The following ELK3 variants were observed in gnomAD, a reference collection of about 807,000 sequenced individuals.
The protein encoded by ELK3 is ETS transcription factor ELK3.
Under a neutral mutation model 28.9 loss-of-function variants are expected in ELK3, and 10 were observed. That is an observed-to-expected ratio of 0.35 (90% CI 0.21 to 0.59). The LOEUF (loss-of-function observed/expected upper bound fraction) is 0.59. Among genes scored for constraint, ELK3 ranks in the 20% least tolerant of loss-of-function variants. The pLI, the probability that ELK3 is intolerant of heterozygous loss-of-function variation, is 0.82. For synonymous variants in ELK3, 272 were observed against 243.5 expected, an observed-to-expected ratio of 1.12 and a Z score of -1.09; for missense variants, 463 against 517.3, an observed-to-expected ratio of 0.90 and a Z score of 1.02.
intron 1 of ELK3, among the ~76,000 whole-genome samples, chr12:96,219,336 T>C (rs947519783): frequency 2.0e-5 from 3 of 152,152 alleles, no homozygotes; most frequent in Non-Finnish European, 4.4e-5. Flanking sequence ...GTGAGAGAGA[T>C]ACTCATATAG....
chr12:96,251,788 G>A (rs1256957723), intron 3 of ELK3, among the ~76,000 whole-genome samples: 1 of 152,190 alleles, frequency 6.6e-6, no homozygotes, highest in Admixed American at 6.5e-5. Flanking sequence ...CAGAAGAAAA[G>A]TGTGAAGCTA....
intron 1 of ELK3, among the ~76,000 whole-genome samples, chr12:96,206,650 T>C (rs1951540208): frequency 1.3e-5 from 2 of 152,192 alleles, no homozygotes; most frequent in South Asian, 4.1e-4. Context: ...TGTTATTTTG[T>C]ACAGTTAATA....
At chr12:96,210,133 G>A (rs1432083308) in intron 1 of ELK3, among the ~76,000 whole-genome samples, 1 of 152,178 alleles carries the variant, frequency 6.6e-6, no homozygotes, top group African/African-American at 2.4e-5. Flanking sequence ...AAAGTAGTAT[G>A]AGGGTCGGGG....
intron 2 of ELK3, among the ~76,000 whole-genome samples, chr12:96,233,938 G>A (rs1951761425): frequency 6.6e-6 from 1 of 152,234 alleles, no homozygotes; most frequent in Non-Finnish European, 1.5e-5. Flanking sequence ...TATTCAGATG[G>A]TTGGAAGCAT....
At chr12:96,210,425 T>TA (rs1951567887) in intron 1 of ELK3, among the ~76,000 whole-genome samples, 1 of 152,222 alleles carries the variant, frequency 6.6e-6, no homozygotes, top group South Asian at 2.1e-4. Context: ...AGCCTGTCCC[T>TA]ATTCACACTT....
chr12:96,216,764 TATG>T (rs555708992), intron 1 of ELK3, among the ~76,000 whole-genome samples: 57 of 152,338 alleles, frequency 3.7e-4, no homozygotes, highest in Non-Finnish European at 6.2e-4. Context: ...CCCTGTATGA[TATG>T]ATACTTTTAT....
chr12:96,241,126 G>A (rs1251312175), intron 2 of ELK3, among the ~76,000 whole-genome samples: 1 of 152,202 alleles, frequency 6.6e-6, no homozygotes, highest in Non-Finnish European at 1.5e-5. Flanking sequence ...CCCACAGGGA[G>A]CTTTAACCAG....
rs150387999 is a variant in ELK3, at chr12:96,204,981, G to A, written c.-3+10276G>A. ...CCTGGAAGGTGAGGAGTGTGTATGC[G>A]CCTTTACGGATGTGGGCTGCAAGAG... On this transcript the variant is annotated intron_variant, in intron 1 of 4. Coordinates refer to ENST00000228741, the MANE Select transcript of ELK3 (RefSeq NM_005230.4). 3.3e-5 allele frequency among the ~76,000 whole-genome samples: 5 copies of A among 152,318 alleles called. No homozygotes were observed. The East Asian group carries it at 7.7e-4, about 24-fold the overall frequency.
At chr12:96,252,863 C>T (rs532570940) in intron 3 of ELK3, among the ~76,000 whole-genome samples, 24 of 152,300 alleles carry the variant, frequency 1.6e-4, no homozygotes, top group Admixed American at 7.8e-4. Flanking sequence ...GATAAAGCAG[C>T]GGCAGGGTTT....
intron 2 of ELK3, among the ~76,000 whole-genome samples, chr12:96,228,469 G>T (rs112038975): frequency 8.9e-5 from 13 of 146,364 alleles, no homozygotes; most frequent in Admixed American, 7.0e-4. Flanking sequence ...TTGTTGCTAC[G>T]TTGCTGCTCA....
chr12:96,194,978 C>T (rs1316324179), intron 1 of ELK3, among the ~76,000 whole-genome samples: 1 of 151,046 alleles, frequency 6.6e-6, no homozygotes, highest in African/African-American at 2.4e-5. Context: ...GCGCCCGCGG[C>T]TCCCCTCCCT....
intron 1 of ELK3, among the ~76,000 whole-genome samples, chr12:96,210,597 A>ACACCCCCCC (rs1416746905): frequency 1.4e-4 from 21 of 149,062 alleles, no homozygotes; most frequent in Admixed American, 4.0e-4. Flanking sequence ...ACACACACAC[A>ACACCCCCCC]CCCCGAGTGG....
In ELK3 at chr12:96,223,982, T is replaced by C. The variant is rs1951681548; in HGVS notation, c.207+209T>C. On this transcript the variant is annotated intron_variant, in intron 2 of 4. Coordinates refer to ENST00000228741, the MANE Select transcript of ELK3 (RefSeq NM_005230.4). ...TTGGATATTACTGAGGGTCACATTT[T>C]GTTTCTTCTGCATTTTCGTCTGAGT... 3 of 572,040 alleles carry C rather than the reference T, an allele frequency of 5.2e-6. No individual in the cohort carries two copies. The East Asian group carries it at 8.9e-5, about 17-fold the overall frequency. The allele number at this position is 572,040 out of a possible 1,614,324, so 35.4% of individuals were successfully genotyped here. A position where few individuals can be genotyped will look rare whatever the true frequency, so the allele number is the denominator to read the frequency against.
intron 2 of ELK3, among the ~76,000 whole-genome samples, chr12:96,228,557 G>C (rs771382799): frequency 2.0e-5 from 3 of 151,942 alleles, no homozygotes; most frequent in Admixed American, 2.0e-4. Context: ...GCACTTTGTC[G>C]TGCTTTTTAA....
At position 96,194,441 on chromosome 12, in the gene ELK3, C is replaced by T. The variant is rs1335100617; in HGVS notation, c.-267C>T. 1 of 149,872 alleles carries T rather than the reference C, an allele frequency of 6.7e-6. No individual in the cohort carries two copies. The highest frequency in any genetic ancestry group is 1.5e-5 in the Non-Finnish European group (1 of 67,462). The allele number at this position is 149,872 out of a possible 1,614,324, so 9.3% of individuals were successfully genotyped here. On this transcript the variant is annotated 5_prime_UTR_variant, in exon 1 of 5. Coordinates refer to ENST00000228741, the MANE Select transcript of ELK3 (RefSeq NM_005230.4). ...GGCGCGCGGCGCGGGGCGGAAAAGCCTGTTTACACAGACTGCACACCGCCT... is the reference window on the plus strand; with the variant it reads ...GGCGCGCGGCGCGGGGCGGAAAAGCTTGTTTACACAGACTGCACACCGCCT...
chr12:96,227,057 G>A (rs1951707781), intron 2 of ELK3, among the ~76,000 whole-genome samples: 1 of 152,220 alleles, frequency 6.6e-6, no homozygotes, highest in African/African-American at 2.4e-5. Flanking sequence ...TCACAGAAAT[G>A]GCAGTCTGAA....
At position 96,223,587 on chromosome 12, in the gene ELK3, G is replaced by C. The variant is rs776692707; in HGVS notation, c.21G>C (p.Leu7=). 1.2e-6 allele frequency: 2 copies of C among 1,614,176 alleles called. No homozygotes were observed. MESAIT[L]WQFLLQLLLD... ...CAGGTATGGAGAGTGCAATCACGCTGTGGCAGTTCCTGTTGCAGTTGCTGC... is the reference window on the plus strand; with the variant it reads ...CAGGTATGGAGAGTGCAATCACGCTCTGGCAGTTCCTGTTGCAGTTGCTGC... The change falls in exon 2 of 5, where the codon CTG becomes CTC. Residue 7 remains leucine (L), a synonymous_variant. Coordinates refer to ENST00000228741, the MANE Select transcript of ELK3 (RefSeq NM_005230.4).
intron 2 of ELK3, among the ~76,000 whole-genome samples, chr12:96,233,485 G>A (rs908333895): frequency 6.6e-6 from 1 of 152,198 alleles, no homozygotes; most frequent in Non-Finnish European, 1.5e-5. Flanking sequence ...AATTGGAAGG[G>A]ATTTCGGGGA....
At chr12:96,230,715 T>C (rs1046245604) in intron 2 of ELK3, among the ~76,000 whole-genome samples, 2 of 152,138 alleles carry the variant, frequency 1.3e-5, no homozygotes, top group Non-Finnish European at 2.9e-5. Flanking sequence ...AAGGCGACCC[T>C]GGGGGCGCCA....
Sources: allele counts gnomAD v4.1 joint callset (sites outside exome capture counted in the v4.1 genomes callset), GRCh38; gene constraint gnomAD v4.1.1; transcripts MANE v1.5; gene names NCBI Gene and HGNC (gene_info 2026-07-23, HGNC 2026-07-21).